Variants in DZIP3 observed in about 807,000 individuals in gnomAD.
DZIP3 encodes the protein DAZ interacting zinc finger protein 3, also known as E3 ubiquitin-protein ligase DZIP3.
DZIP3 carries 118 observed loss-of-function variants against 162.0 expected under a neutral mutation model. That is an observed-to-expected ratio of 0.73 (90% CI 0.63 to 0.85). The LOEUF (loss-of-function observed/expected upper bound fraction) is 0.85, where lower values mean the gene tolerates loss of function less well. DZIP3 is among the 40% of genes least tolerant of loss of function. The pLI, the probability that DZIP3 is intolerant of heterozygous loss-of-function variation, is 0.00. For missense variants in DZIP3, 1,331 were observed against 1,407.0 expected, an observed-to-expected ratio of 0.95 and a Z score of 0.86; for synonymous variants, 438 against 458.6, an observed-to-expected ratio of 0.96 and a Z score of 0.57.
chr3:108,598,780 C>T (rs1279508199), intron 1 of DZIP3, among the ~76,000 whole-genome samples: 1 of 152,166 alleles, frequency 6.6e-6, no homozygotes, highest in Non-Finnish European at 1.5e-5. Flanking sequence ...AAATATTCCA[C>T]CTTTGGAGTA....
intron 1 of DZIP3, among the ~76,000 whole-genome samples, chr3:108,604,707 A>G (rs1205509610): frequency 6.6e-6 from 1 of 152,200 alleles, no homozygotes; most frequent in Non-Finnish European, 1.5e-5. Flanking sequence ...AAAAGTAGCT[A>G]CATGTTATTT....
chr3:108,685,739 TTATAAAGG>T, intron 27 of DZIP3, among the ~76,000 whole-genome samples: 1 of 152,290 alleles, frequency 6.6e-6, no homozygotes. Flanking sequence ...TACTTTCTCG[TTATAAAGG>T]TATATATGCT....
intron 4 of DZIP3, among the ~76,000 whole-genome samples, chr3:108,614,457 A>T (rs181358270): frequency 2.6e-5 from 4 of 152,298 alleles, no homozygotes; most frequent in African/African-American, 9.6e-5. Context: ...TCAACCTGGG[A>T]TAGAAATGAT....
chr3:108,619,325 T>TG (rs1407901267), intron 5 of DZIP3, among the ~76,000 whole-genome samples: 2,390 of 149,766 alleles, frequency 0.016, 60 homozygotes, highest in African/African-American at 0.057. Flanking sequence ...TGTGTGTGTG[T>TG]TTTGTTTTAT....
chr3:108,635,860 G>A (rs745353500), intron 10 of DZIP3, among the ~76,000 whole-genome samples: 3 of 151,610 alleles, frequency 2.0e-5, no homozygotes, highest in East Asian at 3.9e-4. Flanking sequence ...CAGAAAACCC[G>A]TTTAAAGCAA....
rs72943576 is a variant in DZIP3, at chr3:108,599,880, C to T, written c.-72-5455C>T. Among the ~76,000 whole-genome samples the T allele has an allele frequency of 3.6e-3, 555 of 152,148 alleles. 4 individuals carry two copies. Among genetic ancestry groups the T allele is most frequent in the Middle Eastern group, 0.02 (6 of 294 alleles). On this transcript the variant is annotated intron_variant, in intron 1 of 32. Coordinates refer to ENST00000361582, the MANE Select transcript of DZIP3 (RefSeq NM_014648.4). ...ACATTGATCTCAGACTTCTAGCCTC[C>T]GGAACTGTGAGAAATAAATTTCTGT...
intron 26 of DZIP3, among the ~76,000 whole-genome samples, chr3:108,678,238 A>G (rs913770385): frequency 4.0e-5 from 6 of 151,828 alleles, no homozygotes; most frequent in Non-Finnish European, 8.8e-5. Context: ...TGGGGCTCCC[A>G]CTAATTCTAC....
At chr3:108,673,803 T>G (rs1944007404) in intron 23 of DZIP3, among the ~76,000 whole-genome samples, 1 of 151,952 alleles carries the variant, frequency 6.6e-6, no homozygotes, top group Non-Finnish European at 1.5e-5. Flanking sequence ...GCACCATTTT[T>G]GAAAGTTTCT....
At chr3:108,590,035 C>A (rs1939293281) in intron 1 of DZIP3, 196 bp downstream of exon 1, 5 of 152,198 alleles carry the variant, frequency 3.3e-5, no homozygotes. Flanking sequence ...GAGAAGACTA[C>A]CTCCTGCTGA....
intron 26 of DZIP3, among the ~76,000 whole-genome samples, chr3:108,680,226 A>G (rs1248474806): frequency 4.6e-5 from 7 of 152,108 alleles, no homozygotes; most frequent in Non-Finnish European, 7.4e-5. Context: ...TTCCTCTGAG[A>G]TCTGAAACAA....
intron 7 of DZIP3, among the ~76,000 whole-genome samples, chr3:108,628,471 T>C (rs1040754173): frequency 6.6e-6 from 1 of 152,206 alleles, no homozygotes; most frequent in Non-Finnish European, 1.5e-5. Context: ...TCTACCCTTA[T>C]GGTTAAATCC....
intron 32 of DZIP3, among the ~76,000 whole-genome samples, chr3:108,692,751 G>A (rs2107452567): frequency 6.6e-6 from 1 of 152,036 alleles, no homozygotes; most frequent in South Asian, 2.1e-4. Flanking sequence ...ACTTTTCCAA[G>A]TTTACTAACA....
At chr3:108,686,796 A>G (rs1296517281) in intron 28 of DZIP3, among the ~76,000 whole-genome samples, 1 of 152,196 alleles carries the variant, frequency 6.6e-6, no homozygotes, top group Non-Finnish European at 1.5e-5. Flanking sequence ...CTTGTCTTAA[A>G]TCATGAGAGA....
chr3:108,600,657 A>G (rs560508386), intron 1 of DZIP3, among the ~76,000 whole-genome samples: 2 of 152,282 alleles, frequency 1.3e-5, no homozygotes, highest in East Asian at 1.9e-4. Context: ...CTGCAAACCT[A>G]AACAGTTAAA....
intron 26 of DZIP3, among the ~76,000 whole-genome samples, chr3:108,681,362 A>C (rs571472624): frequency 6.6e-6 from 1 of 152,304 alleles, no homozygotes; most frequent in African/African-American, 2.4e-5. Flanking sequence ...GAGAAATGCA[A>C]ATCAGAACCA....
intron 1 of DZIP3, chr3:108,602,784 A>G (rs1053866866): frequency 6.6e-6 from 1 of 152,200 alleles, no homozygotes; most frequent in Non-Finnish European, 1.5e-5. Flanking sequence ...CAGAGGCTGT[A>G]AAGTGCTACT....
At position 108,629,096 on chromosome 3, in the gene DZIP3, T is replaced by C; in HGVS notation, c.616T>C (p.Leu206=). 1 of 1,603,642 alleles carries C rather than the reference T, an allele frequency of 6.2e-7. No homozygotes were observed. The highest frequency in any genetic ancestry group is 1.3e-5 in the African/African-American group (1 of 74,350). The change falls in exon 8 of 33, where the codon TTA becomes CTA. Residue 206 remains leucine, a synonymous_variant. Coordinates refer to ENST00000361582, the MANE Select transcript of DZIP3 (RefSeq NM_014648.4). The part of the protein sequence containing the change: ...NGGLLEFHKS[L]QEIGDKNDHW... ...AGGACTGCTAGAATTTCATAAAAGCTTACAAGAAATTGGAGACAAAAATGA... is the reference window on the plus strand; with the variant it reads ...AGGACTGCTAGAATTTCATAAAAGCCTACAAGAAATTGGAGACAAAAATGA...
At chr3:108,692,681 T>C (rs1944741319) in intron 32 of DZIP3, among the ~76,000 whole-genome samples, 2 of 152,208 alleles carry the variant, frequency 1.3e-5, no homozygotes, top group South Asian at 4.1e-4. Context: ...TTAAGCTAGA[T>C]TGTTTGGTCC....
chr3:108,616,213 G>A (rs1485629935), intron 4 of DZIP3, among the ~76,000 whole-genome samples: 1 of 151,860 alleles, frequency 6.6e-6, no homozygotes, highest in Admixed American at 6.6e-5. Context: ...GCAGTGAGCT[G>A]AGATTGCGCC....
Sources: allele counts gnomAD v4.1 joint callset (sites outside exome capture counted in the v4.1 genomes callset), GRCh38; gene constraint gnomAD v4.1.1; transcripts MANE v1.5; gene names NCBI Gene and HGNC (gene_info 2026-07-23, HGNC 2026-07-21).